The following FBXO16 variants were observed in gnomAD, a reference collection of about 807,000 sequenced individuals.
FBXO16 encodes the protein F-box protein 16.
Under a neutral mutation model 41.0 loss-of-function variants are expected in FBXO16, and 31 were observed. The observed-to-expected ratio is 0.76, with a 90% CI of 0.57 to 1.02. The LOEUF is 1.02. Among genes scored for constraint, FBXO16 ranks in the 50% least tolerant of loss-of-function variants. The probability of loss-of-function intolerance (pLI) is 0.00; values close to 1 mark genes in which losing one functional copy is unlikely to be tolerated. For missense variants in FBXO16, 361 were observed against 346.2 expected (o/e 1.04, Z -0.34); for synonymous variants, 133 against 117.8 (o/e 1.13, Z -0.84).
At position 28,487,454 on chromosome 8, in the gene FBXO16, G is replaced by A. The variant is rs572646764; in HGVS notation, c.-17+2732C>T. 1.1e-4 allele frequency among the ~76,000 whole-genome samples: 16 copies of A among 149,966 alleles called. 1 individual carries two copies. The highest frequency in any genetic ancestry group is 1.3e-4 in the Non-Finnish European group (9 of 67,370). ...CTTTTGCCCAGGCTGGAGTGCAGTG[G>A]CGTGATCTCGGCTTACTGCACCTAC... On this transcript the variant is annotated intron_variant, in intron 1 of 8. Coordinates refer to ENST00000380254, the MANE Select transcript of FBXO16 (RefSeq NM_172366.4).
intron 3 of FBXO16, among the ~76,000 whole-genome samples, chr8:28,466,271 A>G (rs1803238111): frequency 6.6e-6 from 1 of 152,200 alleles, no homozygotes; most frequent in African/African-American, 2.4e-5. Flanking sequence ...GTAGAATAAC[A>G]GTAGAAATAC....
intron 7 of FBXO16, among the ~76,000 whole-genome samples, chr8:28,432,875 G>A (rs1802628799): frequency 6.6e-6 from 1 of 151,984 alleles, no homozygotes; most frequent in Non-Finnish European, 1.5e-5. Context: ...TAGCAAACAT[G>A]GTGAAACCCC....
rs186504770 is a variant in FBXO16 at position 28,480,491 on chromosome 8, T to C, written c.99+2857A>G. On this transcript the variant is annotated intron_variant, in intron 2 of 8. Transcript: ENST00000380254. ...ACTCTGATTCAATTTCTTTTTTCTT[T>C]TTCTTTCTTTCTTTTTTTTTTCTTT... is the stretch of plus-strand genomic sequence containing the variant. 5.5e-4 allele frequency among the ~76,000 whole-genome samples: 83 copies of C among 151,984 alleles called. No individual in the cohort carries two copies. In the East Asian group the frequency reaches 0.015, roughly 27 times the overall value.
At chr8:28,449,910 T>A (rs1417869051) in intron 6 of FBXO16, among the ~76,000 whole-genome samples, 1 of 145,774 alleles carries the variant, frequency 6.9e-6, no homozygotes, top group African/African-American at 2.6e-5. Flanking sequence ...AGGCAGAGGT[T>A]GCAGTGAGCC....
At chr8:28,446,166 T>A (rs1030976473) in intron 7 of FBXO16, among the ~76,000 whole-genome samples, 14 of 145,240 alleles carry the variant, frequency 9.6e-5, no homozygotes, top group African/African-American at 3.3e-4. Context: ...TTACTTTAAA[T>A]GCATTTTTCC....
In FBXO16 at chr8:28,456,969, C is replaced by T. The variant is rs916766355; in HGVS notation, c.343-39G>A. On this transcript the variant is annotated intron_variant, in intron 4 of 8. Transcript: ENST00000380254. Reference sequence around the variant, plus strand: ...TACAATTAAACAAAACCAAATCAAACAACCCCTTCAGTTTACATGCCCACT... The same window carrying T: ...TACAATTAAACAAAACCAAATCAAATAACCCCTTCAGTTTACATGCCCACT... 6 of 1,592,672 alleles carry T rather than the reference C, an allele frequency of 3.8e-6. No individual in the cohort carries two copies. In the African/African-American group the frequency reaches 8.1e-5, roughly 21 times the overall value.
At chr8:28,464,506 C>G (rs1803199753) in intron 3 of FBXO16, among the ~76,000 whole-genome samples, 1 of 151,342 alleles carries the variant, frequency 6.6e-6, no homozygotes, top group Non-Finnish European at 1.5e-5. Flanking sequence ...AAAAAGGGAA[C>G]AACACTACCA....
chr8:28,439,140 A>G (rs1233478958), intron 7 of FBXO16, among the ~76,000 whole-genome samples: 1 of 151,954 alleles, frequency 6.6e-6, no homozygotes. Context: ...TAGAAAAATA[A>G]TATTGAATGA....
intron 7 of FBXO16, among the ~76,000 whole-genome samples, chr8:28,445,979 G>C (rs1036665458): frequency 1.3e-5 from 2 of 151,380 alleles, no homozygotes; most frequent in Admixed American, 1.3e-4. Context: ...TTTCTACTTC[G>C]TGCCAAAGAC....
At chr8:28,459,478 C>T (rs915280165) in intron 4 of FBXO16, among the ~76,000 whole-genome samples, 16 of 151,502 alleles carry the variant, frequency 1.1e-4, no homozygotes, top group African/African-American at 3.6e-4. Flanking sequence ...ATTAGCTGGG[C>T]GTGGTGACAT....
At chr8:28,467,339 C>T (rs1360864333) in intron 3 of FBXO16, among the ~76,000 whole-genome samples, 2 of 152,098 alleles carry the variant, frequency 1.3e-5, no homozygotes, top group Non-Finnish European at 2.9e-5. Context: ...AGGAATAAGA[C>T]AATTTGATGT....
At chr8:28,441,272 A>T (rs1802768598) in intron 7 of FBXO16, among the ~76,000 whole-genome samples, 1 of 152,034 alleles carries the variant, frequency 6.6e-6, no homozygotes, top group African/African-American at 2.4e-5. Flanking sequence ...GAAACAACAA[A>T]TTCGTCCCCT....
At chr8:28,433,411 C>T (rs1023285651) in intron 7 of FBXO16, among the ~76,000 whole-genome samples, 4 of 152,216 alleles carry the variant, frequency 2.6e-5, no homozygotes, top group Admixed American at 1.3e-4. Flanking sequence ...CCCTGGGCTC[C>T]GGGCCCATCT....
intron 2 of FBXO16, among the ~76,000 whole-genome samples, chr8:28,481,811 G>GAAAA (rs71549671): frequency 3.1e-5 from 4 of 130,916 alleles, no homozygotes; most frequent in African/African-American, 5.7e-5. Flanking sequence ...TCTGTTTCAG[G>GAAAA]AAAAAAAAAA....
chr8:28,482,523 A>G (rs1038090296), intron 2 of FBXO16, among the ~76,000 whole-genome samples: 1 of 151,950 alleles, frequency 6.6e-6, no homozygotes, highest in African/African-American at 2.4e-5. Flanking sequence ...TTCCGCTAGC[A>G]CCTTCCCAGA....
At chr8:28,448,762 C>T (rs1802905720) in intron 6 of FBXO16, among the ~76,000 whole-genome samples, 1 of 152,182 alleles carries the variant, frequency 6.6e-6, no homozygotes, top group South Asian at 2.1e-4. Flanking sequence ...CAAGGATCCT[C>T]CAACCACAGT....
At chr8:28,430,743 G>A (rs974469017) in intron 7 of FBXO16, among the ~76,000 whole-genome samples, 10 of 152,130 alleles carry the variant, frequency 6.6e-5, no homozygotes, top group Admixed American at 1.3e-4. Flanking sequence ...AGGCCAAGGC[G>A]GGCGGATCAC....
intron 7 of FBXO16, among the ~76,000 whole-genome samples, chr8:28,431,899 C>T (rs1802610469): frequency 6.6e-6 from 1 of 152,150 alleles, no homozygotes; most frequent in Non-Finnish European, 1.5e-5. Context: ...AATCTCCCCC[C>T]ACCTCATCCT....
intron 3 of FBXO16, among the ~76,000 whole-genome samples, chr8:28,468,109 G>A (rs1803274105): frequency 6.6e-6 from 1 of 152,140 alleles, no homozygotes; most frequent in South Asian, 2.1e-4. Flanking sequence ...TATCCCCCAC[G>A]TCTCTTGCGT....
Sources: allele counts gnomAD v4.1 joint callset (sites outside exome capture counted in the v4.1 genomes callset), GRCh38; gene constraint gnomAD v4.1.1; transcripts MANE v1.5; gene names NCBI Gene and HGNC (gene_info 2026-07-23, HGNC 2026-07-21).